The following COL27A1 variants were observed in gnomAD, a reference collection of about 807,000 sequenced individuals.
COL27A1 encodes the protein collagen alpha-1(XXVII) chain.
In COL27A1, 106 loss-of-function variants were observed where a neutral mutation model predicts 251.3. That is an observed-to-expected ratio of 0.42 (90% CI 0.36 to 0.50). The LOEUF (loss-of-function observed/expected upper bound fraction) is 0.50. Ranked by LOEUF, COL27A1 falls within the 20% of genes least tolerant of loss-of-function variation. The probability of loss-of-function intolerance (pLI) is 0.00; values close to 1 mark genes in which losing one functional copy is unlikely to be tolerated. For missense variants in COL27A1, 2,325 were observed against 2,522.8 expected, an observed-to-expected ratio of 0.92 and a Z score of 1.68; for synonymous variants, 1,000 against 986.3, an observed-to-expected ratio of 1.01 and a Z score of -0.26.
Position 114,267,537 on chromosome 9 carries a change from CCTGGGGAAG to C in COL27A1, c.3483_3491del (p.Glu1163_Gly1165del). 1 of 1,592,606 alleles carries C rather than the reference CCTGGGGAAG, an allele frequency of 6.3e-7. No homozygotes were observed. Among genetic ancestry groups the C allele is most frequent in the Non-Finnish European group, 8.5e-7 (1 of 1,172,636 alleles). The stretch of plus-strand genomic sequence containing the variant: ...TGGTGCAGTGGGAGAACCGGGCCTT[CCTGGGGAAG>C]CCGGGATGAAGGTGAGGTGGGATGA... On this transcript the variant is annotated inframe_deletion, in exon 34 of 61. Transcript: ENST00000356083.
At chr9:114,200,312 A>G (rs1829475950) in intron 7 of COL27A1, among the ~76,000 whole-genome samples, 1 of 152,174 alleles carries the variant, frequency 6.6e-6, no homozygotes, top group Admixed American at 6.5e-5. Context: ...GCCTCAGTTT[A>G]CAATGTCACC....
chr9:114,192,905 G>A (rs1226095077), intron 5 of COL27A1, among the ~76,000 whole-genome samples: 1 of 152,224 alleles, frequency 6.6e-6, no homozygotes, highest in Non-Finnish European at 1.5e-5. Context: ...AAAGAACTGA[G>A]TGGGAATTAA....
chr9:114,177,721 C>A (rs1161455524), intron 3 of COL27A1, among the ~76,000 whole-genome samples: 1 of 152,178 alleles, frequency 6.6e-6, no homozygotes, highest in African/African-American at 2.4e-5. Context: ...ATGTCTGATT[C>A]AAAAACCCAT....
At chr9:114,251,561 C>T (rs1833549051) in intron 25 of COL27A1, among the ~76,000 whole-genome samples, 1 of 152,192 alleles carries the variant, frequency 6.6e-6, no homozygotes, top group South Asian at 2.1e-4. Flanking sequence ...AAATAGTACC[C>T]TTCACCCTGT....
intron 3 of COL27A1, among the ~76,000 whole-genome samples, chr9:114,174,580 G>A (rs7855790): frequency 0.67 from 102,147 of 152,086 alleles, 34,528 homozygotes; most frequent in South Asian, 0.8. Context: ...AAGGAAGGCC[G>A]GGGTATAATC....
At chr9:114,190,656 A>G (rs1396870034) in intron 5 of COL27A1, among the ~76,000 whole-genome samples, 1 of 152,108 alleles carries the variant, frequency 6.6e-6, no homozygotes, top group East Asian at 1.9e-4. Flanking sequence ...TCTATTTCCC[A>G]ACCCTACCTG....
intron 7 of COL27A1, among the ~76,000 whole-genome samples, chr9:114,201,156 G>T (rs542116933): frequency 7.2e-5 from 11 of 152,360 alleles, no homozygotes; most frequent in African/African-American, 2.6e-4. Flanking sequence ...CACAGGTTCT[G>T]TGGAGACCCG....
At chr9:114,262,152 C>A (rs2135578070) in intron 28 of COL27A1, among the ~76,000 whole-genome samples, 1 of 152,328 alleles carries the variant, frequency 6.6e-6, no homozygotes, top group East Asian at 1.9e-4. Flanking sequence ...TCCCAGCTCC[C>A]ATGACCTGAC....
At chr9:114,252,461 A>G (rs1833604929) in intron 25 of COL27A1, 132 bp from the exon 26 acceptor site, 1 of 738,432 alleles carries the variant, frequency 1.4e-6, no homozygotes, top group Non-Finnish European at 2.4e-6. Flanking sequence ...TGAACTAGGC[A>G]GGGACCCTCT....
chr9:114,258,746 T>A, intron 28 of COL27A1, 152 bp downstream of exon 28: 1 of 761,582 alleles, frequency 1.3e-6, no homozygotes, highest in Non-Finnish European at 2.1e-6. Context: ...AGGCTCACCC[T>A]GGACCTGTCT....
intron 15 of COL27A1, among the ~76,000 whole-genome samples, chr9:114,231,396 C>T (rs1453744835): frequency 2.0e-5 from 3 of 152,148 alleles, no homozygotes; most frequent in South Asian, 2.1e-4. Flanking sequence ...CTCAGGGCAC[C>T]GGAAGTCCAG....
At chr9:114,266,507 C>G in intron 32 of COL27A1, 58 bp from the exon 33 acceptor site, 1 of 1,495,122 alleles carries the variant, frequency 6.7e-7, no homozygotes, top group South Asian at 1.2e-5. Flanking sequence ...CCCTCCAGAT[C>G]CCAAAGAGGG....
At chr9:114,258,034 C>T (rs1011496186) in intron 27 of COL27A1, among the ~76,000 whole-genome samples, 2 of 151,990 alleles carry the variant, frequency 1.3e-5, no homozygotes, top group Non-Finnish European at 2.9e-5. Flanking sequence ...CCTGTCTCCA[C>T]AAAAATAAGA....
At chr9:114,264,127 C>T (rs547957203) in intron 28 of COL27A1, among the ~76,000 whole-genome samples, 2 of 152,360 alleles carry the variant, frequency 1.3e-5, no homozygotes, top group Non-Finnish European at 2.9e-5. Flanking sequence ...CTTCTGGAAG[C>T]ATCAGCCTCT....
intron 5 of COL27A1, among the ~76,000 whole-genome samples, chr9:114,184,306 A>G (rs986684557): frequency 1.3e-5 from 2 of 152,258 alleles, no homozygotes; most frequent in Non-Finnish European, 2.9e-5. Flanking sequence ...GGCCATGCAC[A>G]GTGAGCTGCT....
chr9:114,163,141 G>GGA (rs1848611370), intron 2 of COL27A1, among the ~76,000 whole-genome samples: 1 of 152,084 alleles, frequency 6.6e-6, no homozygotes, highest in South Asian at 2.1e-4. Flanking sequence ...GGCTGAGGCA[G>GGA]GAGAATCGCT....
At chr9:114,239,580 C>G (rs766293120) in intron 19 of COL27A1, among the ~76,000 whole-genome samples, 3 of 152,052 alleles carry the variant, frequency 2.0e-5, no homozygotes, top group African/African-American at 4.8e-5. Flanking sequence ...AGGAGGAGCA[C>G]GAGGATATTG....
At chr9:114,264,429 C>T (rs1449782646) in intron 29 of COL27A1, 21 bp downstream of exon 29, 1 of 1,529,102 alleles carries the variant, frequency 6.5e-7, no homozygotes, top group Non-Finnish European at 8.8e-7. Flanking sequence ...CTAGGACCTG[C>T]CCTTCCTCAC....
rs1827777289 is a variant in COL27A1 at position 114,179,984 on chromosome 9, A to G, written c.1962+1640A>G. On this transcript the variant is annotated intron_variant, in intron 4 of 60. Transcript: ENST00000356083. ...CTCCCAAGTAGCTGGGATTACAAGC[A>G]CACGCCCCCGGGCCCAGCTATTTTT... 1.3e-5 allele frequency among the ~76,000 whole-genome samples: 2 copies of G among 151,916 alleles called. 1 individual carries two copies. Among genetic ancestry groups the G allele is most frequent in the South Asian group, 4.2e-4 (2 of 4,812 alleles).
Sources: gnomAD v4.1 joint callset for allele counts (sites outside exome capture counted in the v4.1 genomes callset) on GRCh38, gnomAD v4.1.1 for gene constraint, MANE v1.5 for transcripts, NCBI Gene and HGNC (gene_info 2026-07-23, HGNC 2026-07-21) for gene names.